The following VGLL4 variants were observed in gnomAD, a reference collection of about 807,000 sequenced individuals.
VGLL4 encodes vestigial like family member 4.
VGLL4 carries 7 observed loss-of-function variants against 21.0 expected under a neutral mutation model. The observed-to-expected ratio is 0.33, with a 90% CI of 0.19 to 0.63. The LOEUF is 0.63. Among genes scored for constraint, VGLL4 ranks in the 20% least tolerant of loss-of-function variants. The pLI, the probability that VGLL4 is intolerant of heterozygous loss-of-function variation, is 0.78. For missense variants in VGLL4, 394 were observed against 425.7 expected (o/e 0.93, Z 0.66); for synonymous variants, 222 against 173.2 (o/e 1.28, Z -2.21).
At chr3:11,712,538 C>T (rs2076861864) in intron 1 of VGLL4, among the ~76,000 whole-genome samples, 1 of 151,802 alleles carries the variant, frequency 6.6e-6, no homozygotes, top group African/African-American at 2.4e-5. Flanking sequence ...GGCCAAATGG[C>T]CAAATATGAT....
At chr3:11,594,936 C>T (rs73025118) in intron 2 of VGLL4, among the ~76,000 whole-genome samples, 12,426 of 152,194 alleles carry the variant, frequency 0.082, 659 homozygotes, top group East Asian at 0.25. Context: ...CCGAGGCGGG[C>T]GGATCACCTG....
chr3:11,602,658 G>T (rs1445549043), intron 1 of VGLL4, among the ~76,000 whole-genome samples: 2 of 152,158 alleles, frequency 1.3e-5, no homozygotes, highest in East Asian at 3.9e-4. Flanking sequence ...CTTATCGCAA[G>T]CATAATACGT....
chr3:11,612,209 T>TTA (rs1186880795), intron 1 of VGLL4: 8 of 152,202 alleles, frequency 5.3e-5, no homozygotes. Flanking sequence ...TGTTATTCAT[T>TTA]TAATTAGGAA....
chr3:11,631,485 C>T (rs1346397910), intron 1 of VGLL4, among the ~76,000 whole-genome samples: 1 of 152,050 alleles, frequency 6.6e-6, no homozygotes, highest in Non-Finnish European at 1.5e-5. Flanking sequence ...AAGGATCAAA[C>T]CCATCAACTA....
chr3:11,563,243 C>T (rs891197312), intron 3 of VGLL4, among the ~76,000 whole-genome samples: 3 of 152,208 alleles, frequency 2.0e-5, no homozygotes, highest in African/African-American at 7.2e-5. Context: ...CTGAATCCTC[C>T]CCTCCATACC....
Position 11,557,429 on chromosome 3 carries a change from G to A in VGLL4, c.*1127C>T, listed in dbSNP as rs2072541616. ...GAAGACACAAACCCCACCTCCCCTG[G>A]GAGCTTGTAACAAAGCAGACAGGGA... On this transcript the variant is annotated 3_prime_UTR_variant, in exon 5 of 5. Coordinates refer to ENST00000430365, the MANE Select transcript of VGLL4 (RefSeq NM_001128219.3). The A allele has an allele frequency of 1.3e-5, 2 of 152,680 alleles. No homozygotes were observed. The highest frequency in any genetic ancestry group is 4.8e-5 in the African/African-American group (2 of 41,438). The allele number at this position is 152,680 out of a possible 1,614,324, so 9.5% of individuals were successfully genotyped here.
At chr3:11,613,868 T>C (rs2075109451) in intron 1 of VGLL4, among the ~76,000 whole-genome samples, 1 of 152,170 alleles carries the variant, frequency 6.6e-6, no homozygotes, top group South Asian at 2.1e-4. Context: ...TCCTTCTCGC[T>C]ACTCATGACA....
chr3:11,710,937 T>A (rs545426047), intron 1 of VGLL4, among the ~76,000 whole-genome samples: 2 of 151,492 alleles, frequency 1.3e-5, no homozygotes, highest in East Asian at 2.0e-4. Context: ...CCGTCTCTAC[T>A]AAAAATACAA....
Position 11,560,710 on chromosome 3 carries a change from C to G in VGLL4, c.496-1255G>C, listed in dbSNP as rs974198499. Among the ~76,000 whole-genome samples the G allele has an allele frequency of 4.6e-5, 7 of 152,164 alleles. 1 individual carries two copies. In the South Asian group the frequency reaches 1.5e-3, roughly 32 times the overall value. On this transcript the variant is annotated intron_variant, in intron 3 of 4. Transcript: ENST00000430365. Reference sequence around the variant, plus strand: ...GGTAGGGGGGGATGTGGCTTAGCAACAGCAGACCAACCAAGAATTCAGGGT... The same window carrying G: ...GGTAGGGGGGGATGTGGCTTAGCAAGAGCAGACCAACCAAGAATTCAGGGT...
At chr3:11,558,899 TC>T in intron 4 of VGLL4, 72 bp from the exon 5 acceptor site, 2 of 1,547,254 alleles carry the variant, frequency 1.3e-6, no homozygotes, top group South Asian at 1.2e-5. Flanking sequence ...TGCAGCACCC[TC>T]CCTCAGGCAG....
At chr3:11,716,130 C>G (rs560519534) in intron 1 of VGLL4, among the ~76,000 whole-genome samples, 1 of 151,784 alleles carries the variant, frequency 6.6e-6, no homozygotes, top group Non-Finnish European at 1.5e-5. Context: ...GGTGAAGCCC[C>G]GTATCTACTA....
intron 1 of VGLL4, among the ~76,000 whole-genome samples, chr3:11,715,971 A>G (rs1303762473): frequency 1.3e-5 from 2 of 152,016 alleles, no homozygotes; most frequent in Non-Finnish European, 2.9e-5. Context: ...TTAGCACCAT[A>G]CTTACGGGCC....
At chr3:11,695,457 A>G (rs2076592933) in intron 2 of VGLL4, among the ~76,000 whole-genome samples, 3 of 152,180 alleles carry the variant, frequency 2.0e-5, no homozygotes, top group African/African-American at 7.2e-5. Context: ...CTATATATAC[A>G]TACCTATGTG....
At chr3:11,582,497 G>A (rs2074256256) in intron 2 of VGLL4, 7 of 828,822 alleles carry the variant, frequency 8.4e-6, no homozygotes, top group Non-Finnish European at 1.3e-5. Flanking sequence ...GGGTCCTGGG[G>A]TAGGTCAGGA....
chr3:11,566,075 A>G (rs2125136898), intron 2 of VGLL4, among the ~76,000 whole-genome samples: 1 of 152,340 alleles, frequency 6.6e-6, no homozygotes, highest in East Asian at 1.9e-4. Flanking sequence ...TGTCTTAACT[A>G]GCAGAAAAGC....
chr3:11,681,669 G>T (rs1459709551), intron 2 of VGLL4, among the ~76,000 whole-genome samples: 12 of 152,242 alleles, frequency 7.9e-5, no homozygotes, highest in African/African-American at 2.7e-4. Context: ...TACCAATGCA[G>T]TTGTAAAATA....
At chr3:11,621,934 T>C (rs967600176) in intron 1 of VGLL4, among the ~76,000 whole-genome samples, 2 of 152,192 alleles carry the variant, frequency 1.3e-5, no homozygotes, top group African/African-American at 2.4e-5. Flanking sequence ...TTCTTGGCCA[T>C]TTATCTTCTT....
At position 11,565,147 on chromosome 3, in the gene VGLL4, G is replaced by A. The variant is rs1417253509; in HGVS notation, c.273-128C>T. The A allele has an allele frequency of 5.3e-6, 5 of 950,444 alleles. No homozygotes were observed. Among genetic ancestry groups the A allele is most frequent in the Non-Finnish European group, 7.1e-6 (5 of 703,634 alleles). 58.9% of individuals were successfully genotyped at this position (950,444 alleles called of 1,614,324 possible). ...GAAGCTCAGGTCGTGTGGCTGGGCA[G>A]CACGATGAGGAGCCGGTTGCCAGCC... On this transcript the variant is annotated intron_variant, in intron 2 of 4. Coordinates refer to ENST00000430365, the MANE Select transcript of VGLL4 (RefSeq NM_001128219.3). This position sits in a 1 kb window ranked among gnomAD's most constrained non-coding sequence, Gnocchi z 4.1.
chr3:11,615,287 G>A (rs937484036), intron 1 of VGLL4, among the ~76,000 whole-genome samples: 1 of 152,190 alleles, frequency 6.6e-6, no homozygotes, highest in African/African-American at 2.4e-5. Flanking sequence ...AAGTTGTCAT[G>A]TTTCTTTAAT....
Sources: gnomAD v4.1 joint callset for allele counts (sites outside exome capture counted in the v4.1 genomes callset) on GRCh38, gnomAD v4.1.1 for gene constraint, Gnocchi (gnomAD v3.1) non-coding constraint, MANE v1.5 for transcripts, NCBI Gene and HGNC (gene_info 2026-07-23, HGNC 2026-07-21) for gene names.